The following ZNF891 variants were observed in gnomAD, a reference collection of about 807,000 sequenced individuals.
ZNF891 encodes hCG1646157.
For missense variants in ZNF891, 589 were observed against 632.7 expected, an observed-to-expected ratio of 0.93 and a Z score of 0.74; for synonymous variants, 199 against 209.0, an observed-to-expected ratio of 0.95 and a Z score of 0.41.
chr12:133,112,642 A>G lies in ZNF891; in HGVS notation c.*7642T>C, dbSNP rs2137610210. ...TAGCCCTGACTGCTTTTTCTAACAC[A>G]ATTCCCTGTTCTTATCAGAGAAACT... On this transcript the variant is annotated 3_prime_UTR_variant, in exon 2 of 2. Transcript: ENST00000537226. The G allele has an allele frequency of 6.6e-6, 1 of 152,356 alleles. No homozygotes were observed. The highest frequency in any genetic ancestry group is 2.1e-4 in the South Asian group (1 of 4,830). The allele number at this position is 152,356 out of a possible 1,614,324, so 9.4% of individuals were successfully genotyped here.
At chr12:133,124,493 T>C (rs775454371) in intron 1 of ZNF891, among the ~76,000 whole-genome samples, 2 of 152,078 alleles carry the variant, frequency 1.3e-5, no homozygotes, top group Non-Finnish European at 1.5e-5. Flanking sequence ...GTAGAATACA[T>C]TTTAAAAATA....
rs1306856548 is a variant in ZNF891, at chr12:133,107,948, G to T, written c.*12336C>A. The T allele has an allele frequency of 6.6e-6, 1 of 152,184 alleles. No individual in the cohort carries two copies. Among genetic ancestry groups the T allele is most frequent in the East Asian group, 1.9e-4 (1 of 5,202 alleles). 9.4% of individuals were successfully genotyped at this position (152,184 alleles called of 1,614,324 possible). ...TTATTAGATAAATATAAGTAATTTT[G>T]TAAGAGGTGAAATTTATAAAAGTTT... On this transcript the variant is annotated 3_prime_UTR_variant, in exon 2 of 2. Coordinates refer to ENST00000537226, the MANE Select transcript of ZNF891 (RefSeq NM_001277291.2).
chr12:133,111,592 G>GA lies in ZNF891; in HGVS notation c.*8691dup, dbSNP rs35826480. ...ATATCACAAAGGACAAAATTGCATG[G>GA]AAAAAAATGGATATTGCATCAAAAA... On this transcript the variant is annotated 3_prime_UTR_variant, in exon 2 of 2. Transcript: ENST00000537226. 2.0e-5 allele frequency: 3 copies of GA among 152,088 alleles called. No individual in the cohort carries two copies. The highest frequency in any genetic ancestry group is 7.2e-5 in the African/African-American group (3 of 41,512). 9.4% of individuals were successfully genotyped at this position (152,088 alleles called of 1,614,324 possible).
Position 133,112,696 on chromosome 12 carries a change from G to A in ZNF891, c.*7588C>T, listed in dbSNP as rs1955691299. On this transcript the variant is annotated 3_prime_UTR_variant, in exon 2 of 2. Transcript: ENST00000537226. ...TTGTATCCTTCATATTTTGAATTCT[G>A]CCTAGAGTAAGAGGAAGTCTAAAAA... 6.6e-6 allele frequency: 1 copy of A among 152,204 alleles called. No homozygotes were observed. Among genetic ancestry groups the A allele is most frequent in the South Asian group, 2.1e-4 (1 of 4,832 alleles). The allele number at this position is 152,204 out of a possible 1,614,324, so 9.4% of individuals were successfully genotyped here. A position where few individuals can be genotyped will look rare whatever the true frequency, so the allele number is the denominator to read the frequency against.
At chr12:133,126,340 G>A (rs1955814436) in intron 1 of ZNF891, among the ~76,000 whole-genome samples, 1 of 151,996 alleles carries the variant, frequency 6.6e-6, no homozygotes, top group South Asian at 2.1e-4. Context: ...CGGGCGTGGT[G>A]GTGGGTGCCT....
Position 133,115,722 on chromosome 12 carries a change from A to G in ZNF891, c.*4562T>C, listed in dbSNP as rs1457287883. ...GAGAAACCAGTTAGGAGGCTATTGCAATAAAATCCAGGTGAGATGCTGGGC... is the reference window on the plus strand; with the variant it reads ...GAGAAACCAGTTAGGAGGCTATTGCGATAAAATCCAGGTGAGATGCTGGGC... On this transcript the variant is annotated 3_prime_UTR_variant, in exon 2 of 2. Coordinates refer to ENST00000537226, the MANE Select transcript of ZNF891 (RefSeq NM_001277291.2). 1 of 152,152 alleles carries G rather than the reference A, an allele frequency of 6.6e-6. No individual in the cohort carries two copies. The highest frequency in any genetic ancestry group is 1.9e-4 in the East Asian group (1 of 5,188). The allele number at this position is 152,152 out of a possible 1,614,324, so 9.4% of individuals were successfully genotyped here.
chr12:133,114,291 G>C lies in ZNF891; in HGVS notation c.*5993C>G, dbSNP rs1955703590. On this transcript the variant is annotated 3_prime_UTR_variant, in exon 2 of 2. Coordinates refer to ENST00000537226, the MANE Select transcript of ZNF891 (RefSeq NM_001277291.2). ...TCTTAGTTTCTGCACACCTGTTATG[G>C]TGCAACATTTTCCTATACCTAGAAG... is the stretch of plus-strand genomic sequence containing the variant. 1 of 152,036 alleles carries C rather than the reference G, an allele frequency of 6.6e-6. No individual in the cohort carries two copies. The highest frequency in any genetic ancestry group is 2.1e-4 in the South Asian group (1 of 4,828). The allele number at this position is 152,036 out of a possible 1,614,324, so 9.4% of individuals were successfully genotyped here. A position where few individuals can be genotyped will look rare whatever the true frequency, so the allele number is the denominator to read the frequency against.
chr12:133,112,291 A>T lies in ZNF891; in HGVS notation c.*7993T>A, dbSNP rs1955687241. The T allele has an allele frequency of 6.6e-6, 1 of 150,906 alleles. No individual in the cohort carries two copies. Among genetic ancestry groups the T allele is most frequent in the Non-Finnish European group, 1.5e-5 (1 of 67,870 alleles). The allele number at this position is 150,906 out of a possible 1,614,324, so 9.3% of individuals were successfully genotyped here. On this transcript the variant is annotated 3_prime_UTR_variant, in exon 2 of 2. Transcript: ENST00000537226. ...CTCCCTACTCCTTCTTTAACTTCGT[A>T]TTTCAAGTTAAATGTTATTTTCTCA...
chr12:133,106,146 G>A lies in ZNF891; in HGVS notation c.*14138C>T, dbSNP rs369716144. The A allele has an allele frequency of 1.8e-4, 287 of 1,614,022 alleles. No homozygotes were observed. Among genetic ancestry groups the A allele is most frequent in the South Asian group, 9.9e-4 (90 of 91,074 alleles). ...TTTAGCAGTGGCTCAGAACTCATTCGCCACCAGATTACACATACTGGAGAG... is the reference window on the plus strand; with the variant it reads ...TTTAGCAGTGGCTCAGAACTCATTCACCACCAGATTACACATACTGGAGAG... On this transcript the variant is annotated 3_prime_UTR_variant, in exon 2 of 2. Transcript: ENST00000537226.
At chr12:133,127,108 C>T (rs977997812) in intron 1 of ZNF891, among the ~76,000 whole-genome samples, 59 of 151,030 alleles carry the variant, frequency 3.9e-4, no homozygotes, top group African/African-American at 1.9e-4. Flanking sequence ...GGATTACAGG[C>T]GCCGGCCACC....
intron 1 of ZNF891, among the ~76,000 whole-genome samples, chr12:133,125,066 TAC>T (rs1165460987): frequency 6.6e-6 from 1 of 152,152 alleles, no homozygotes; most frequent in African/African-American, 2.4e-5. Context: ...GGAAAAACCA[TAC>T]AGACTTCAAA....
chr12:133,124,321 T>C (rs1014232568), intron 1 of ZNF891, among the ~76,000 whole-genome samples: 2 of 151,928 alleles, frequency 1.3e-5, no homozygotes, highest in Admixed American at 6.6e-5. Context: ...AAATTCCAGA[T>C]GGATTAAAGA....
intron 1 of ZNF891, among the ~76,000 whole-genome samples, chr12:133,127,282 TA>T (rs1955827334): frequency 6.6e-6 from 1 of 151,886 alleles, no homozygotes; most frequent in Non-Finnish European, 1.5e-5. Flanking sequence ...TCTTATTCCT[TA>T]AAAAAACACA....
At position 133,114,423 on chromosome 12, in the gene ZNF891, T is replaced by C. The variant is rs978054320; in HGVS notation, c.*5861A>G. ...CTCCCACGTCAGCCTCCAGAGCAGA[T>C]AGGACTACAGGCACAGGCCATTGCA... On this transcript the variant is annotated 3_prime_UTR_variant, in exon 2 of 2. Transcript: ENST00000537226. 6 of 152,352 alleles carry C rather than the reference T, an allele frequency of 3.9e-5. No individual in the cohort carries two copies. Among genetic ancestry groups the C allele is most frequent in the African/African-American group, 7.2e-5 (3 of 41,460 alleles). 9.4% of individuals were successfully genotyped at this position (152,352 alleles called of 1,614,324 possible). A position where few individuals can be genotyped will look rare whatever the true frequency, so the allele number is the denominator to read the frequency against.
At chr12:133,128,850 G>C (rs1955845319) in intron 1 of ZNF891, among the ~76,000 whole-genome samples, 1 of 147,346 alleles carries the variant, frequency 6.8e-6, no homozygotes, top group South Asian at 2.1e-4. Context: ...TAAAAATTAA[G>C]AGCAAAACTT....
chr12:133,120,323 A>G lies in ZNF891; in HGVS notation c.1596T>C (p.Ile532=), dbSNP rs781580195. Residue 532 remains isoleucine (I), a synonymous_variant, in exon 2 of 2, where the codon ATT becomes ATC. Coordinates refer to ENST00000537226, the MANE Select transcript of ZNF891 (RefSeq NM_001277291.2). The part of the protein sequence containing the change: ...GKAFSQSSSL[I]IHKRIHTERE... ...TCTCAGTATGAATTCTCTTGTGTAT[A>G]ATAAGTGAAGAGCTCTGACTGAAGG... The G allele has an allele frequency of 3.2e-6, 5 of 1,556,550 alleles. No individual in the cohort carries two copies. Among genetic ancestry groups the G allele is most frequent in the Non-Finnish European group, 4.3e-6 (5 of 1,154,078 alleles).
rs1955686875 is a variant in ZNF891, at chr12:133,112,252, G to A, written c.*8032C>T. 6.6e-6 allele frequency: 1 copy of A among 151,976 alleles called. No homozygotes were observed. Among genetic ancestry groups the A allele is most frequent in the Non-Finnish European group, 1.5e-5 (1 of 68,032 alleles). 9.4% of individuals were successfully genotyped at this position (151,976 alleles called of 1,614,324 possible). Reference sequence around the variant, plus strand: ...TGTCCCTCCACCCTCTGCCCATGGAGCCAGAAGAAGGAGCTCCCTACTCCT... The same window carrying A: ...TGTCCCTCCACCCTCTGCCCATGGAACCAGAAGAAGGAGCTCCCTACTCCT... On this transcript the variant is annotated 3_prime_UTR_variant, in exon 2 of 2. Coordinates refer to ENST00000537226, the MANE Select transcript of ZNF891 (RefSeq NM_001277291.2).
chr12:133,128,317 AAATT>A (rs1593832910), intron 1 of ZNF891, among the ~76,000 whole-genome samples: 1 of 152,182 alleles, frequency 6.6e-6, no homozygotes, highest in Non-Finnish European at 1.5e-5. Flanking sequence ...AAAGAGTAGT[AAATT>A]AATTACCCAG....
intron 1 of ZNF891, among the ~76,000 whole-genome samples, chr12:133,129,199 CTT>C (rs1480900726): frequency 2.6e-5 from 4 of 152,038 alleles, no homozygotes; most frequent in Non-Finnish European, 5.9e-5. Flanking sequence ...ATCAATGAGA[CTT>C]TTTAAAAAAT....
Sources: gnomAD v4.1 joint callset for allele counts (sites outside exome capture counted in the v4.1 genomes callset) on GRCh38, gnomAD v4.1.1 for gene constraint, MANE v1.5 for transcripts, NCBI Gene and HGNC (gene_info 2026-07-23, HGNC 2026-07-21) for gene names.